Variants in CFHR4 observed in about 807,000 individuals in gnomAD.
CFHR4 encodes the protein complement factor H-related protein 4.
CFHR4 carries 64 observed loss-of-function variants against 69.3 expected under a neutral mutation model. The observed-to-expected ratio is 0.92, with a 90% CI of 0.76 to 1.14. CFHR4 has a LOEUF of 1.14. Among genes scored for constraint, CFHR4 ranks in the 50% most tolerant of loss-of-function variants. The probability of loss-of-function intolerance (pLI) is 0.00; values close to 1 mark genes in which losing one functional copy is unlikely to be tolerated. For synonymous variants in CFHR4, 244 were observed against 237.0 expected, an observed-to-expected ratio of 1.03 and a Z score of -0.27; for missense variants, 636 against 684.9, an observed-to-expected ratio of 0.93 and a Z score of 0.80.
rs1384590118 is a variant in CFHR4, at chr1:196,906,996, T to C, written c.575T>C (p.Val192Ala). ...SSYGNTTDSI[V>A]CGEDGWSHLP... is the part of the protein sequence containing the mutation. ...TATGGAAACACCACAGATTCCATAGTGTGTGGTGAAGATGGCTGGTCCCAT... is the reference window on the plus strand; with the variant it reads ...TATGGAAACACCACAGATTCCATAGCGTGTGGTGAAGATGGCTGGTCCCAT... The change falls in exon 4 of 10, where the codon GTG becomes GCG. Residue 192 changes from valine (V) to alanine (A), a missense_variant. Around this residue, in one of 3 missense-constraint regions of CFHR4, gnomAD observed 529 missense variants for 533.2 expected, o/e 0.99. Coordinates refer to ENST00000608469, the MANE Select transcript of CFHR4 (RefSeq NM_001201550.3). 1.2e-6 allele frequency: 2 copies of C among 1,612,334 alleles called. No individual in the cohort carries two copies.
At chr1:196,905,696 G>C (rs1657872476) in intron 3 of CFHR4, among the ~76,000 whole-genome samples, 1 of 151,488 alleles carries the variant, frequency 6.6e-6, no homozygotes, top group Non-Finnish European at 1.5e-5. Flanking sequence ...GGGAAGGGAT[G>C]AGTGCTTAAT....
At chr1:196,913,009 A>T (rs1481934199) in intron 7 of CFHR4, 87 bp downstream of exon 7, 23 of 1,596,984 alleles carry the variant, frequency 1.4e-5, no homozygotes, top group Non-Finnish European at 1.9e-5. Context: ...AATATAGAAA[A>T]CACTTTTAGG....
intron 1 of CFHR4, among the ~76,000 whole-genome samples, chr1:196,899,334 G>T (rs953648856): frequency 6.6e-6 from 1 of 151,316 alleles, no homozygotes; most frequent in African/African-American, 2.4e-5. Context: ...TTCCTCTGTT[G>T]CCCAGGCTGG....
intron 1 of CFHR4, 100 bp downstream of exon 1, chr1:196,888,308 G>T: frequency 8.4e-7 from 1 of 1,190,032 alleles, no homozygotes; most frequent in East Asian, 2.5e-5. Flanking sequence ...AATCTGATAG[G>T]ATATATTCAC....
At chr1:196,909,016 T>C (rs1658086141) in intron 5 of CFHR4, among the ~76,000 whole-genome samples, 1 of 151,524 alleles carries the variant, frequency 6.6e-6, no homozygotes, top group Non-Finnish European at 1.5e-5. Context: ...CTCCAAACCA[T>C]GCAAGTGGCA....
rs1419939802 is a variant in CFHR4 at position 196,918,377 on chromosome 1, G to A, written c.1708G>A (p.Gly570Ser). ...VLSFQAVCRE[G>S]IVEYPRCE ...ATCATTTCAAGCAGTGTGTAGGGAA[G>A]GCATAGTGGAATACCCCAGATGCGA... is the stretch of plus-strand genomic sequence containing the variant. Residue 570 changes from glycine (G) to serine (S), a missense_variant, in exon 10 of 10, where the codon GGC (glycine) becomes AGC (serine). This residue lies in a region of CFHR4 where 85 missense variants were observed against 79.0 expected (regional missense o/e 1.08). Transcript: ENST00000608469. 3 of 1,611,726 alleles carry A rather than the reference G, an allele frequency of 1.9e-6. No homozygotes were observed. In the African/African-American group the frequency reaches 4.0e-5, roughly 22 times the overall value.
Position 196,888,141 on chromosome 1 carries a change from A to T in CFHR4, c.-10A>T. The T allele has an allele frequency of 6.2e-7, 1 of 1,610,236 alleles. No homozygotes were observed. ...ACTTTTGCATTACTATACTACTGAG[A>T]ATATCTAACATGTTGTTACTAATCA... is the stretch of plus-strand genomic sequence containing the variant. On this transcript the variant is annotated 5_prime_UTR_variant, in exon 1 of 10. Coordinates refer to ENST00000608469, the MANE Select transcript of CFHR4 (RefSeq NM_001201550.3).
chr1:196,912,592 G>C (rs548992029), intron 6 of CFHR4, 148 bp from the exon 7 acceptor site: 27 of 901,824 alleles, frequency 3.0e-5, no homozygotes, highest in Non-Finnish European at 3.7e-5. Flanking sequence ...TAAGAACACG[G>C]ATGTCTAGGA....
intron 1 of CFHR4, among the ~76,000 whole-genome samples, chr1:196,892,212 A>G (rs1241736897): frequency 6.6e-6 from 1 of 151,486 alleles, no homozygotes; most frequent in Non-Finnish European, 1.5e-5. Context: ...TTGTCTTGTT[A>G]GCTGATTTGG....
In CFHR4 at chr1:196,902,465, T is replaced by C. The variant is rs1657669221; in HGVS notation, c.106T>C (p.Tyr36His). ...FPEIQHGGLY[Y>H]KSLRRLYFPA... ...AGAAATTCAACATGGAGGTCTATAT[T>C]ATAAGAGTTTGCGTAGACTATACTT... The change falls in exon 2 of 10, where the codon TAT becomes CAT. Residue 36 changes from tyrosine to histidine, a missense_variant. Around this residue, in one of 3 missense-constraint regions of CFHR4, gnomAD observed 529 missense variants for 533.2 expected, o/e 0.99. Transcript: ENST00000608469. 9.3e-6 allele frequency: 15 copies of C among 1,611,936 alleles called. No homozygotes were observed. The highest frequency in any genetic ancestry group is 1.3e-5 in the Non-Finnish European group (15 of 1,179,014).
At chr1:196,905,695 T>G (rs1248961299) in intron 3 of CFHR4, among the ~76,000 whole-genome samples, 4 of 151,530 alleles carry the variant, frequency 2.6e-5, no homozygotes, top group Non-Finnish European at 5.9e-5. Flanking sequence ...AGGGAAGGGA[T>G]GAGTGCTTAA....
rs576250786 is a variant in CFHR4, at chr1:196,903,418, C to T, written c.256+803C>T. Among the ~76,000 whole-genome samples the T allele has an allele frequency of 1.7e-3, 254 of 150,916 alleles. 8 individuals carry two copies. Among genetic ancestry groups the T allele is most frequent in the African/African-American group, 5.9e-3 (239 of 40,850 alleles). On this transcript the variant is annotated intron_variant, in intron 2 of 9. Coordinates refer to ENST00000608469, the MANE Select transcript of CFHR4 (RefSeq NM_001201550.3). ...CTGTAATCCCAGGACTGTGGGAGACCGAGACGGGCAGATCACTTTAGGTGA... is the reference window on the plus strand; with the variant it reads ...CTGTAATCCCAGGACTGTGGGAGACTGAGACGGGCAGATCACTTTAGGTGA...
intron 1 of CFHR4, among the ~76,000 whole-genome samples, chr1:196,900,387 G>A (rs1422996279): frequency 6.9e-6 from 1 of 144,814 alleles, no homozygotes; most frequent in Non-Finnish European, 1.5e-5. Context: ...AATTTTCTCA[G>A]TAAAAAAGAA....
At position 196,913,570 on chromosome 1, in the gene CFHR4, G is replaced by A. The variant is rs541012837; in HGVS notation, c.1180+648G>A. On this transcript the variant is annotated intron_variant, in intron 7 of 9. Transcript: ENST00000608469. ...CTCGACCTTTACTTATTATGATAAAGAGATTGCATAATGAACAAAGGAAAT... is the reference window on the plus strand; with the variant it reads ...CTCGACCTTTACTTATTATGATAAAAAGATTGCATAATGAACAAAGGAAAT... Among the ~76,000 whole-genome samples, 52 of 151,502 alleles carry A rather than the reference G, an allele frequency of 3.4e-4. 2 individuals carry two copies. Among genetic ancestry groups the A allele is most frequent in the African/African-American group, 1.1e-3 (47 of 41,140 alleles).
In CFHR4 at chr1:196,891,735, G is replaced by C. The variant is rs553324201; in HGVS notation, c.58+3527G>C. The stretch of plus-strand genomic sequence containing the variant: ...AAGAAACTTGTTTCAAAATTATAAA[G>C]AAACATAAATTATTTGCTATTTAAA... On this transcript the variant is annotated intron_variant, in intron 1 of 9. Transcript: ENST00000608469. Among the ~76,000 whole-genome samples, 16 of 151,410 alleles carry C rather than the reference G, an allele frequency of 1.1e-4. No individual in the cohort carries two copies. The South Asian group carries it at 2.9e-3, about 27-fold the overall frequency.
intron 3 of CFHR4, among the ~76,000 whole-genome samples, chr1:196,905,643 T>A (rs1312534221): frequency 1.3e-5 from 2 of 151,492 alleles, no homozygotes; most frequent in African/African-American, 4.9e-5. Context: ...TATCAACTGC[T>A]TGTATTGTAT....
rs1011584164 is a variant in CFHR4, at chr1:196,898,383, G to A, written c.59-4035G>A. 2.9e-4 allele frequency among the ~76,000 whole-genome samples: 44 copies of A among 151,640 alleles called. 1 individual carries two copies. Among genetic ancestry groups the A allele is most frequent in the African/African-American group, 1.1e-3 (44 of 41,198 alleles). The stretch of plus-strand genomic sequence containing the variant: ...TTCTCTTAAACACAAAAAAAGGGGA[G>A]ACAATAAATTTCAATATTTTAGTAT... On this transcript the variant is annotated intron_variant, in intron 1 of 9. Coordinates refer to ENST00000608469, the MANE Select transcript of CFHR4 (RefSeq NM_001201550.3).
At chr1:196,892,296 G>A (rs1198949939) in intron 1 of CFHR4, among the ~76,000 whole-genome samples, 1 of 151,526 alleles carries the variant, frequency 6.6e-6, no homozygotes, top group African/African-American at 2.4e-5. Context: ...CAGGAAAATA[G>A]ATTATAAAGA....
intron 1 of CFHR4, among the ~76,000 whole-genome samples, chr1:196,898,542 A>C (rs1020207685): frequency 6.6e-6 from 1 of 151,612 alleles, no homozygotes; most frequent in Non-Finnish European, 1.5e-5. Flanking sequence ...ATATGAATAG[A>C]TATTTCTCTA....
Sources: gnomAD v4.1 joint callset for allele counts (sites outside exome capture counted in the v4.1 genomes callset) on GRCh38, gnomAD v4.1.1 for gene constraint, gnomAD v4.1.1 regional missense constraint, MANE v1.5 for transcripts, NCBI Gene and HGNC (gene_info 2026-07-23, HGNC 2026-07-21) for gene names.